The following ERC1 variants were observed in gnomAD, a reference collection of about 807,000 sequenced individuals.
ERC1 encodes ELKS/RAB6-interacting/CAST family member 1.
ERC1 carries 56 observed loss-of-function variants against 132.0 expected under a neutral mutation model. The ratio of observed to expected loss-of-function variants is 0.42; its 90% CI spans 0.34 to 0.53. The LOEUF (loss-of-function observed/expected upper bound fraction) is 0.53, where lower values mean the gene tolerates loss of function less well. ERC1 is among the 20% of genes least tolerant of loss of function. ERC1 has a pLI of 0.03. For missense variants in ERC1, 1,202 were observed against 1,349.9 expected (o/e 0.89, Z 1.72); for synonymous variants, 478 against 476.1 (o/e 1.00, Z -0.05).
At chr12:1,184,722 T>C (rs991443225) in intron 11 of ERC1, among the ~76,000 whole-genome samples, 1 of 152,212 alleles carries the variant, frequency 6.6e-6, no homozygotes, top group Non-Finnish European at 1.5e-5. Flanking sequence ...GGATTGAAAC[T>C]CAACTTTTGA....
At chr12:1,486,668 G>A (rs113503215) in intron 18 of ERC1, among the ~76,000 whole-genome samples, 2 of 151,978 alleles carry the variant, frequency 1.3e-5, no homozygotes, top group African/African-American at 4.8e-5. Context: ...CAAGGGATCC[G>A]CCCACCTCGG....
At chr12:1,266,137 CTCCCAAAG>C (rs1308190905) in intron 14 of ERC1, among the ~76,000 whole-genome samples, 1 of 152,126 alleles carries the variant, frequency 6.6e-6, no homozygotes, top group Non-Finnish European at 1.5e-5. Flanking sequence ...GCCAAACAGT[CTCCCAAAG>C]TGGCTGTATG....
chr12:1,405,437 C>G (rs2091414359), intron 16 of ERC1, among the ~76,000 whole-genome samples: 1 of 152,136 alleles, frequency 6.6e-6, no homozygotes, highest in African/African-American at 2.4e-5. Flanking sequence ...GGCACAGTTG[C>G]TCACGCCTGT....
At chr12:1,353,342 T>G (rs2085212927) in intron 15 of ERC1, among the ~76,000 whole-genome samples, 1 of 152,212 alleles carries the variant, frequency 6.6e-6, no homozygotes, top group African/African-American at 2.4e-5. Context: ...CAAATAATGC[T>G]TTAACGCTAA....
chr12:1,312,320 C>CA (rs1448834045), intron 15 of ERC1, among the ~76,000 whole-genome samples: 1 of 152,190 alleles, frequency 6.6e-6, no homozygotes, highest in Non-Finnish European at 1.5e-5. Context: ...GTCCTCCTAA[C>CA]CCACTGATGG....
At chr12:1,215,923 A>G (rs1158177391) in intron 12 of ERC1, among the ~76,000 whole-genome samples, 2 of 152,248 alleles carry the variant, frequency 1.3e-5, no homozygotes, top group African/African-American at 2.4e-5. Context: ...GTGTGGGAAT[A>G]TAAACAACTT....
At chr12:1,231,881 A>G (rs568988696) in intron 12 of ERC1, among the ~76,000 whole-genome samples, 2 of 152,186 alleles carry the variant, frequency 1.3e-5, no homozygotes, top group South Asian at 4.1e-4. Flanking sequence ...CTGGGACTAC[A>G]GGCGCCCGCC....
At chr12:1,224,549 A>G (rs1466104578) in intron 12 of ERC1, among the ~76,000 whole-genome samples, 1 of 152,208 alleles carries the variant, frequency 6.6e-6, no homozygotes. Flanking sequence ...ACTACTTTGT[A>G]TATCTAGTCT....
chr12:1,411,678 G>A (rs554672858), intron 17 of ERC1, among the ~76,000 whole-genome samples: 8 of 152,308 alleles, frequency 5.3e-5, no homozygotes, highest in South Asian at 4.1e-4. Context: ...ATGTGAGACC[G>A]TGCAGTAGCT....
At chr12:1,438,701 G>C (rs2093012409) in intron 17 of ERC1, among the ~76,000 whole-genome samples, 1 of 152,130 alleles carries the variant, frequency 6.6e-6, no homozygotes, top group African/African-American at 2.4e-5. Context: ...TAGCACTTTG[G>C]GAAGCTGAGA....
chr12:1,227,084 T>C (rs1336046063), intron 12 of ERC1, among the ~76,000 whole-genome samples: 1 of 152,256 alleles, frequency 6.6e-6, no homozygotes, highest in African/African-American at 2.4e-5. Flanking sequence ...TTGGCTATCG[T>C]GACTAATACT....
rs1946414865 is a variant in ERC1 at position 1,116,157 on chromosome 12, G to A, written c.1569+124G>A. The A allele has an allele frequency of 2.2e-5, 18 of 814,130 alleles. No individual in the cohort carries two copies. The South Asian group carries it at 3.6e-4, about 16-fold the overall frequency. The allele number at this position is 814,130 out of a possible 1,614,324, so 50.4% of individuals were successfully genotyped here. On this transcript the variant is annotated intron_variant, in intron 7 of 18. Coordinates refer to ENST00000360905, the MANE Select transcript of ERC1 (RefSeq NM_178040.4). The stretch of plus-strand genomic sequence containing the variant: ...GAGTAATGTTATGATTAATTCTTCA[G>A]CAGCGTGATCAGTCACTGTGCTAAA...
intron 15 of ERC1, among the ~76,000 whole-genome samples, chr12:1,360,343 G>A (rs768673756): frequency 7.2e-5 from 11 of 152,188 alleles, no homozygotes; most frequent in African/African-American, 2.2e-4. Context: ...AAATAAGAAC[G>A]TTGGAACTTA....
At chr12:1,034,205 A>G (rs1305807589) in intron 2 of ERC1, among the ~76,000 whole-genome samples, 1 of 152,160 alleles carries the variant, frequency 6.6e-6, no homozygotes, top group Non-Finnish European at 1.5e-5. Context: ...AATATTATAC[A>G]ATTTCAAATG....
chr12:1,239,068 T>C (rs555024527), intron 13 of ERC1, among the ~76,000 whole-genome samples: 4 of 152,302 alleles, frequency 2.6e-5, no homozygotes, highest in East Asian at 1.9e-4. Flanking sequence ...CTCAGTTCTT[T>C]TACTAACTAC....
At chr12:1,354,394 G>A (rs549145562) in intron 15 of ERC1, among the ~76,000 whole-genome samples, 1 of 152,000 alleles carries the variant, frequency 6.6e-6, no homozygotes, top group South Asian at 2.1e-4. Flanking sequence ...ATGGTGGCAG[G>A]CACCTGTAAC....
chr12:1,217,482 A>G (rs1284041751), intron 12 of ERC1, among the ~76,000 whole-genome samples: 3 of 152,304 alleles, frequency 2.0e-5, no homozygotes, highest in South Asian at 2.1e-4. Context: ...TGCCATTCCT[A>G]GACAGTGTCA....
intron 13 of ERC1, among the ~76,000 whole-genome samples, chr12:1,240,518 G>A (rs112572950): frequency 1.9e-3 from 291 of 152,252 alleles, no homozygotes; most frequent in African/African-American, 6.6e-3. Flanking sequence ...CCATATTTGC[G>A]TAGCCCTGGA....
chr12:1,252,106 C>T (rs896650629), intron 13 of ERC1, among the ~76,000 whole-genome samples: 1 of 151,924 alleles, frequency 6.6e-6, no homozygotes, highest in Non-Finnish European at 1.5e-5. Context: ...GGTACTCATC[C>T]CCTCAAGCAT....
Sources: gnomAD v4.1 joint callset for allele counts (sites outside exome capture counted in the v4.1 genomes callset) on GRCh38, gnomAD v4.1.1 for gene constraint, MANE v1.5 for transcripts, NCBI Gene and HGNC (gene_info 2026-07-23, HGNC 2026-07-21) for gene names.